Variants in PRELID2 observed in about 807,000 individuals in gnomAD.
PRELID2 encodes the protein PRELI domain containing 2.
Under a neutral mutation model 28.4 loss-of-function variants are expected in PRELID2, and 25 were observed. That is an observed-to-expected ratio of 0.88 (90% CI 0.64 to 1.23). The LOEUF (loss-of-function observed/expected upper bound fraction) is 1.23, where lower values mean the gene tolerates loss of function less well. PRELID2 is among the 50% of genes most tolerant of loss of function. The probability of loss-of-function intolerance (pLI) is 0.00; values close to 1 mark genes in which losing one functional copy is unlikely to be tolerated. For synonymous variants in PRELID2, 76 were observed against 71.6 expected (o/e 1.06, Z -0.31); for missense variants, 201 against 214.4 (o/e 0.94, Z 0.39).
At chr5:145,794,118 A>G (rs1752579225) in intron 5 of PRELID2, among the ~76,000 whole-genome samples, 1 of 152,212 alleles carries the variant, frequency 6.6e-6, no homozygotes, top group Admixed American at 6.5e-5. Flanking sequence ...ATGCTTGACA[A>G]TGGAGGCCCA....
the PRELID2 span, among the ~76,000 whole-genome samples, chr5:145,300,057 C>G: frequency 6.6e-6 from 1 of 151,980 alleles, no homozygotes; most frequent in South Asian, 2.1e-4. Context: ...CAAATATTAT[C>G]TTTATCGATT....
chr5:145,321,072 T>C, the PRELID2 span, among the ~76,000 whole-genome samples: 7 of 152,194 alleles, frequency 4.6e-5, no homozygotes, highest in African/African-American at 1.7e-4. Context: ...GTCCAAGAAT[T>C]GAAATGAAAA....
the PRELID2 span, among the ~76,000 whole-genome samples, chr5:145,392,537 T>C: frequency 1.3e-5 from 2 of 152,072 alleles, no homozygotes; most frequent in South Asian, 4.1e-4. Context: ...GCGTATGTAG[T>C]AAAAAGGGCA....
intron 1 of PRELID2, among the ~76,000 whole-genome samples, chr5:145,526,893 A>G (rs1363556): frequency 0.52 from 79,122 of 152,018 alleles, 21,552 homozygotes; most frequent in East Asian, 0.92. Context: ...ATTTTTATAT[A>G]GTAATAGTTC....
At chr5:145,363,556 C>T in the PRELID2 span, among the ~76,000 whole-genome samples, 9 of 152,106 alleles carry the variant, frequency 5.9e-5, no homozygotes, top group Non-Finnish European at 1.2e-4. Context: ...TTAAAATATT[C>T]CTTAAATGTC....
At chr5:145,616,881 G>C (rs1007874498) in intron 1 of PRELID2, among the ~76,000 whole-genome samples, 1 of 152,150 alleles carries the variant, frequency 6.6e-6, no homozygotes, top group Non-Finnish European at 1.5e-5. Context: ...CGCTATGGGA[G>C]ACTGGGGCTT....
At chr5:145,342,230 G>C in the PRELID2 span, among the ~76,000 whole-genome samples, 39 of 152,190 alleles carry the variant, frequency 2.6e-4, no homozygotes, top group Non-Finnish European at 4.9e-4. Flanking sequence ...ATTACCACTA[G>C]ACATTCCCCA....
the PRELID2 span, among the ~76,000 whole-genome samples, chr5:145,395,279 G>T: frequency 6.6e-6 from 1 of 152,104 alleles, no homozygotes; most frequent in South Asian, 2.1e-4. Context: ...CTCCAAAAAG[G>T]CATCCATGAA....
At chr5:145,585,149 G>T (rs1477707168) in intron 1 of PRELID2, among the ~76,000 whole-genome samples, 31 of 152,106 alleles carry the variant, frequency 2.0e-4, no homozygotes, top group Admixed American at 2.0e-3. Context: ...CATGAATGGA[G>T]GTGGAAGCCA....
chr5:145,581,524 A>G (rs1211908347), intron 1 of PRELID2, among the ~76,000 whole-genome samples: 7 of 151,952 alleles, frequency 4.6e-5, no homozygotes, highest in African/African-American at 1.7e-4. Flanking sequence ...CCTTTTTTGC[A>G]CAACTGGATA....
chr5:145,320,395 C>T, the PRELID2 span, among the ~76,000 whole-genome samples: 10 of 151,938 alleles, frequency 6.6e-5, no homozygotes, highest in Admixed American at 6.6e-4. Context: ...CTCAGCCTCC[C>T]AAGTAGCTGG....
chr5:145,750,403 T>A (rs948293311), intron 1 of PRELID2, among the ~76,000 whole-genome samples: 4 of 151,980 alleles, frequency 2.6e-5, no homozygotes, highest in Admixed American at 6.6e-5. Flanking sequence ...ACTTCCAGGA[T>A]TCCAGTTTAG....
downstream of PRELID2, among the ~76,000 whole-genome samples, chr5:145,751,483 T>C (rs1405370564): frequency 6.6e-6 from 1 of 152,218 alleles, no homozygotes; most frequent in Non-Finnish European, 1.5e-5. Context: ...CATTCTTTGG[T>C]ATCTCCATTA....
At chr5:145,505,501 CT>C (rs1219814429) in intron 1 of PRELID2, among the ~76,000 whole-genome samples, 6 of 152,144 alleles carry the variant, frequency 3.9e-5, no homozygotes, top group Non-Finnish European at 5.9e-5. Context: ...GATCTTCCTT[CT>C]TTTTTGTTCT....
At chr5:145,621,522 ATAAAT>A (rs1753773975) in intron 1 of PRELID2, among the ~76,000 whole-genome samples, 3 of 152,350 alleles carry the variant, frequency 2.0e-5, no homozygotes, top group South Asian at 4.1e-4. Flanking sequence ...TGCTGAATAG[ATAAAT>A]TAAATGTGGC....
intron 3 of PRELID2, among the ~76,000 whole-genome samples, chr5:145,818,509 A>C (rs188915708): frequency 2.0e-5 from 3 of 152,334 alleles, no homozygotes; most frequent in Non-Finnish European, 4.4e-5. Context: ...CTACAAAGGC[A>C]GAATTGTACA....
chr5:145,666,729 G>T (rs1484533994), intron 1 of PRELID2, among the ~76,000 whole-genome samples: 1 of 152,062 alleles, frequency 6.6e-6, no homozygotes, highest in African/African-American at 2.4e-5. Context: ...ATTCTGTGAA[G>T]CAATTTATGA....
intron 4 of PRELID2, among the ~76,000 whole-genome samples, chr5:145,802,586 G>A (rs1201855009): frequency 1.3e-5 from 2 of 152,170 alleles, no homozygotes; most frequent in Non-Finnish European, 2.9e-5. Context: ...TATCACAGGA[G>A]TTCCACTGGC....
intron 1 of PRELID2, among the ~76,000 whole-genome samples, chr5:145,829,626 A>G (rs1755450802): frequency 6.6e-6 from 1 of 152,192 alleles, no homozygotes. Context: ...CCAAGCTCAC[A>G]GGGCTAACAG....
Sources: allele counts gnomAD v4.1 joint callset (sites outside exome capture counted in the v4.1 genomes callset), GRCh38; gene constraint gnomAD v4.1.1; transcripts MANE v1.5; gene names NCBI Gene and HGNC (gene_info 2026-07-23, HGNC 2026-07-21).